Variants in SCN3A observed in about 807,000 individuals in gnomAD.
SCN3A encodes sodium voltage-gated channel alpha subunit 3.
A neutral mutation model predicts 187.6 loss-of-function variants in SCN3A; 60 were observed. The observed-to-expected ratio is 0.32, with a 90% CI of 0.26 to 0.40. The LOEUF is 0.40. Among genes scored for constraint, SCN3A ranks in the 10% least tolerant of loss-of-function variants. The probability of loss-of-function intolerance (pLI) is 1.00; values close to 1 mark genes in which losing one functional copy is unlikely to be tolerated. For synonymous variants in SCN3A, 788 were observed against 829.2 expected, an observed-to-expected ratio of 0.95 and a Z score of 0.85; for missense variants, 1,601 against 2,428.2, an observed-to-expected ratio of 0.66 and a Z score of 7.16.
chr2:165,166,634 G>A (rs768987806), intron 5 of SCN3A, among the ~76,000 whole-genome samples: 45 of 151,942 alleles, frequency 3.0e-4, no homozygotes, highest in Non-Finnish European at 4.6e-4. Context: ...TTCAAATATC[G>A]GTGACTTCAG....
intron 21 of SCN3A, among the ~76,000 whole-genome samples, chr2:165,102,963 T>TA (rs1291648671): frequency 1.3e-5 from 2 of 152,210 alleles, no homozygotes; most frequent in African/African-American, 4.8e-5. Context: ...TCAAATAACT[T>TA]AAAATGATTT....
intron 21 of SCN3A, among the ~76,000 whole-genome samples, chr2:165,106,094 C>T (rs1227843241): frequency 2.0e-5 from 3 of 152,134 alleles, no homozygotes; most frequent in Non-Finnish European, 4.4e-5. Flanking sequence ...TCTAAGCGTT[C>T]ATCCCTGGGA....
intron 22 of SCN3A, among the ~76,000 whole-genome samples, chr2:165,099,083 T>A (rs1685487070): frequency 6.6e-6 from 1 of 152,178 alleles, no homozygotes; most frequent in Non-Finnish European, 1.5e-5. Context: ...CTGGAGAGTC[T>A]GGAGAGTGGC....
At chr2:165,122,943 T>C (rs1171107885) in intron 18 of SCN3A, 1 of 152,206 alleles carries the variant, frequency 6.6e-6, no homozygotes, top group African/African-American at 2.4e-5. Flanking sequence ...CACAGTATGA[T>C]ATTGCTAGAT....
At chr2:165,131,483 A>G (rs1687313061) in intron 15 of SCN3A, 66 bp from the exon 16 acceptor site, 2 of 1,117,272 alleles carry the variant, frequency 1.8e-6, no homozygotes, top group Admixed American at 2.0e-5. Context: ...CGAATTTATA[A>G]AGAAGAACAT....
At chr2:165,169,841 C>T (rs1689998935) in intron 4 of SCN3A, among the ~76,000 whole-genome samples, 5 of 151,794 alleles carry the variant, frequency 3.3e-5, no homozygotes, top group Admixed American at 3.3e-4. Context: ...TTTTGACTAA[C>T]ATTGTAAATA....
chr2:165,111,231 A>G (rs891867675), intron 21 of SCN3A, among the ~76,000 whole-genome samples: 6 of 152,114 alleles, frequency 3.9e-5, no homozygotes, highest in African/African-American at 1.4e-4. Flanking sequence ...GCTACTCGAG[A>G]GGCTGAGGCA....
chr2:165,191,060 GTTTTTT>G (rs58901959), intron 1 of SCN3A, among the ~76,000 whole-genome samples: 21 of 113,528 alleles, frequency 1.8e-4, no homozygotes, highest in Admixed American at 5.7e-4. Flanking sequence ...ATTTTACGTT[GTTTTTT>G]TTTTTTTTTT....
In SCN3A at chr2:165,158,257, T is replaced by C. The variant is rs1305452520; in HGVS notation, c.1032-2354A>G. Among the ~76,000 whole-genome samples, 2 of 94,566 alleles carry C rather than the reference T, an allele frequency of 2.1e-5. 1 individual carries two copies. Among genetic ancestry groups the C allele is most frequent in the African/African-American group, 1.2e-4 (2 of 17,166 alleles). The allele number at this position is 94,566 out of a possible 152,430, so 62.0% of individuals were successfully genotyped here. Reference sequence around the variant, plus strand: ...ACTAGGGTATTGTTCCTTTTACCTTTAGTCTTACAGACTCCACTCATTTCC... The same window carrying C: ...ACTAGGGTATTGTTCCTTTTACCTTCAGTCTTACAGACTCCACTCATTTCC... On this transcript the variant is annotated intron_variant, in intron 9 of 27. Coordinates refer to ENST00000283254, the MANE Select transcript of SCN3A (RefSeq NM_006922.4).
chr2:165,135,584 A>G (rs1183435291), intron 15 of SCN3A, among the ~76,000 whole-genome samples: 1 of 152,112 alleles, frequency 6.6e-6, no homozygotes, highest in Non-Finnish European at 1.5e-5. Flanking sequence ...AGCACCAATG[A>G]TAGAAATTCT....
At chr2:165,119,219 TAGTC>T (rs1230409184) in intron 18 of SCN3A, among the ~76,000 whole-genome samples, 1 of 152,234 alleles carries the variant, frequency 6.6e-6, no homozygotes, top group Non-Finnish European at 1.5e-5. Context: ...TTAATCTTCT[TAGTC>T]AGAAATGCTA....
chr2:165,167,497 T>A (rs550147152), intron 5 of SCN3A, among the ~76,000 whole-genome samples: 2 of 152,278 alleles, frequency 1.3e-5, no homozygotes, highest in South Asian at 4.1e-4. Context: ...TTATCTCCGA[T>A]TGTACATTAC....
At chr2:165,191,908 G>A (rs958041639) in intron 1 of SCN3A, among the ~76,000 whole-genome samples, 5 of 150,960 alleles carry the variant, frequency 3.3e-5, no homozygotes. Flanking sequence ...TTTAATTTTG[G>A]TTTCTGAAAA....
intron 22 of SCN3A, among the ~76,000 whole-genome samples, chr2:165,099,076 G>A (rs1349793456): frequency 6.6e-6 from 1 of 152,090 alleles, no homozygotes; most frequent in Non-Finnish European, 1.5e-5. Context: ...AATGATTCTG[G>A]AGAGTCTGGA....
intron 1 of SCN3A, among the ~76,000 whole-genome samples, chr2:165,188,804 C>CAAAA (rs763003775): frequency 9.6e-5 from 7 of 72,560 alleles, no homozygotes; most frequent in Non-Finnish European, 1.6e-4. Context: ...CGCCCCACTT[C>CAAAA]AAAAAAAAAA....
rs1391380186 is a variant in SCN3A at position 165,140,296 on chromosome 2, T to C, written c.2019+355A>G. Among the ~76,000 whole-genome samples the C allele has an allele frequency of 6.6e-6, 1 of 152,180 alleles. No homozygotes were observed. Among genetic ancestry groups the C allele is most frequent in the Non-Finnish European group, 1.5e-5 (1 of 68,036 alleles). On this transcript the variant is annotated intron_variant, in intron 13 of 27. Coordinates refer to ENST00000283254, the MANE Select transcript of SCN3A (RefSeq NM_006922.4). This position sits in a 1 kb window ranked among gnomAD's most constrained non-coding sequence, Gnocchi z 4.2. ...TTTCCAGAATATGAATAGATAATTA[T>C]ACAATTCTTGGTGAATATACATCTT...
At chr2:165,169,293 G>A (rs1216958260) in intron 4 of SCN3A, among the ~76,000 whole-genome samples, 1 of 151,934 alleles carries the variant, frequency 6.6e-6, no homozygotes, top group Non-Finnish European at 1.5e-5. Context: ...ATCATAAATA[G>A]TAGGTTTGTA....
rs1685134918 is a variant in SCN3A, at chr2:165,092,150, A to T, written c.4807+104T>A. 6 of 1,095,166 alleles carry T rather than the reference A, an allele frequency of 5.5e-6. No individual in the cohort carries two copies. Among genetic ancestry groups the T allele is most frequent in the Non-Finnish European group, 8.4e-6 (6 of 712,430 alleles). 67.8% of individuals were successfully genotyped at this position (1,095,166 alleles called of 1,614,324 possible). ...TGCTAGTGTTGAACTTTACATCTATATGCATTATTATTCTCAGACCTAATT... is the reference window on the plus strand; with the variant it reads ...TGCTAGTGTTGAACTTTACATCTATTTGCATTATTATTCTCAGACCTAATT... On this transcript the variant is annotated intron_variant, in intron 27 of 27. Transcript: ENST00000283254. This position sits in a 1 kb window ranked among gnomAD's most constrained non-coding sequence, Gnocchi z 4.2.
chr2:165,105,979 TCTTTAA>T (rs1315322185), intron 21 of SCN3A, among the ~76,000 whole-genome samples: 1 of 152,220 alleles, frequency 6.6e-6, no homozygotes, highest in Non-Finnish European at 1.5e-5. Flanking sequence ...TATTTATTGG[TCTTTAA>T]CTTTATACAT....
Sources: allele counts gnomAD v4.1 joint callset (sites outside exome capture counted in the v4.1 genomes callset), GRCh38; gene constraint gnomAD v4.1.1; non-coding constraint Gnocchi (gnomAD v3.1); transcripts MANE v1.5; gene names NCBI Gene and HGNC (gene_info 2026-07-23, HGNC 2026-07-21).